The following TRPM2 variants were observed in gnomAD, a reference collection of about 807,000 sequenced individuals.
The protein encoded by TRPM2 is transient receptor potential cation channel subfamily M member 2.
TRPM2 carries 161 observed loss-of-function variants against 174.0 expected under a neutral mutation model. The observed-to-expected ratio is 0.93, with a 90% CI of 0.81 to 1.05. The LOEUF (loss-of-function observed/expected upper bound fraction) is 1.05. TRPM2 is among the 50% of genes least tolerant of loss of function. TRPM2 has a pLI of 0.00. For synonymous variants in TRPM2, 954 were observed against 861.3 expected, an observed-to-expected ratio of 1.11 and a Z score of -1.88; for missense variants, 2,057 against 2,038.0, an observed-to-expected ratio of 1.01 and a Z score of -0.18.
At chr21:44,378,039 C>T (rs950293907) in intron 7 of TRPM2, among the ~76,000 whole-genome samples, 3 of 152,176 alleles carry the variant, frequency 2.0e-5, no homozygotes, top group African/African-American at 7.2e-5. Context: ...GGTGGGGCCC[C>T]AGGGCCTGGA....
chr21:44,399,543 T>C lies in TRPM2; in HGVS notation c.2208+102T>C. The C allele has an allele frequency of 6.9e-7, 1 of 1,447,066 alleles. No individual in the cohort carries two copies. Among genetic ancestry groups the C allele is most frequent in the Non-Finnish European group, 9.2e-7 (1 of 1,091,598 alleles). The allele number at this position is 1,447,066 out of a possible 1,614,324, so 89.6% of individuals were successfully genotyped here. A position where few individuals can be genotyped will look rare whatever the true frequency, so the allele number is the denominator to read the frequency against. ...GTTGGCACGCACACTCACACAGGCTTCAGGGCCCTCAGCAGCTCGGGGACA... is the reference window on the plus strand; with the variant it reads ...GTTGGCACGCACACTCACACAGGCTCCAGGGCCCTCAGCAGCTCGGGGACA... On this transcript the variant is annotated intron_variant, in intron 14 of 31. Transcript: ENST00000397928. This position sits in a 1 kb window ranked among gnomAD's most constrained non-coding sequence, Gnocchi z 4.6.
chr21:44,440,353 C>G (rs2051454475), intron 30 of TRPM2, among the ~76,000 whole-genome samples: 1 of 91,608 alleles, frequency 1.1e-5, no homozygotes, highest in Non-Finnish European at 2.3e-5. Context: ...TGGTGTGGAG[C>G]ACTTCACAAC....
In TRPM2 at chr21:44,367,656, G is replaced by A. The variant is rs1256361874; in HGVS notation, c.604+722G>A. 1.3e-5 allele frequency among the ~76,000 whole-genome samples: 2 copies of A among 152,204 alleles called. No individual in the cohort carries two copies. The highest frequency in any genetic ancestry group is 1.3e-4 in the Admixed American group (2 of 15,282). ...TGTGGATGAATAGTGAGGCCCTGAG[G>A]TGACTACTTGGCAATGTTGCGTCCG... On this transcript the variant is annotated intron_variant, in intron 4 of 31. Transcript: ENST00000397928. This position sits in a 1 kb window ranked among gnomAD's most constrained non-coding sequence, Gnocchi z 4.6.
intron 17 of TRPM2, 149 bp from the exon 18 acceptor site, chr21:44,405,756 G>C (rs1433360790): frequency 2.0e-6 from 2 of 982,006 alleles, no homozygotes; most frequent in African/African-American, 3.3e-5. Context: ...TCTCATGCCA[G>C]CTTTGAACAC....
At chr21:44,414,104 G>T in intron 20 of TRPM2, 30 bp downstream of exon 20, 1 of 1,592,598 alleles carries the variant, frequency 6.3e-7, no homozygotes. Flanking sequence ...TGGCGTGCAG[G>T]TGGGTGGGTG....
intron 17 of TRPM2, 93 bp from the exon 18 acceptor site, chr21:44,405,812 T>C (rs562351575): frequency 1.3e-6 from 2 of 1,492,676 alleles, no homozygotes; most frequent in South Asian, 2.6e-5. Flanking sequence ...AGGGCCCACC[T>C]GGGCTAGGAC....
intron 19 of TRPM2, among the ~76,000 whole-genome samples, chr21:44,412,470 T>G (rs1397367295): frequency 6.6e-6 from 1 of 152,206 alleles, no homozygotes; most frequent in Non-Finnish European, 1.5e-5. Flanking sequence ...TTTAGCAATT[T>G]GAGCCTTCTC....
chr21:44,408,658 T>TA (rs2049988070), intron 19 of TRPM2, among the ~76,000 whole-genome samples: 1 of 143,024 alleles, frequency 7.0e-6, no homozygotes, highest in African/African-American at 2.8e-5. Context: ...TTTGCCCTTT[T>TA]TTTTTTTTTT....
At chr21:44,418,142 TG>T in intron 21 of TRPM2, 34 bp downstream of exon 21, 1 of 1,589,694 alleles carries the variant, frequency 6.3e-7, no homozygotes, top group Non-Finnish European at 8.6e-7. Context: ...CTGAATGTCC[TG>T]GCCACCCGGG....
At chr21:44,405,370 G>A in intron 17 of TRPM2, 110 bp downstream of exon 17, 1 of 1,497,920 alleles carries the variant, frequency 6.7e-7, no homozygotes, top group Middle Eastern at 2.3e-4. Context: ...CAGCTCGTCT[G>A]TGAACCCTGG....
intron 20 of TRPM2, chr21:44,415,683 G>T (rs890694920): frequency 6.6e-6 from 1 of 152,100 alleles, no homozygotes; most frequent in Non-Finnish European, 1.5e-5. Context: ...AAAATGTCTA[G>T]GATTTTCTTT....
chr21:44,391,295 G>GACAGCTGCACTCATCTCCA lies in TRPM2; in HGVS notation c.1468_1486dup (p.Lys496SerfsTer9), dbSNP rs1419317684. 2.5e-6 allele frequency: 4 copies of GACAGCTGCACTCATCTCCA among 1,613,814 alleles called. No individual in the cohort carries two copies. In the African/African-American group the frequency reaches 5.3e-5, roughly 22 times the overall value. ...AGCCTTCAGATCTGCACCCCACGAT[G>GACAGCTGCACTCATCTCCA]ACAGCTGCACTCATCTCCAACAAGC... On this transcript the variant is annotated frameshift_variant, in exon 11 of 32. Transcript: ENST00000397928. LOFTEE classifies it high-confidence loss of function. The surrounding 1 kb of genome is among the most constrained non-coding windows in gnomAD (Gnocchi z 5.0).
chr21:44,399,451 C>T lies in TRPM2; in HGVS notation c.2208+10C>T. ...TCACGGGGGCATCCAGGTGACCTCC[C>T]AAGAGCCCCTTCCAGAAACAGACGC... On this transcript the variant is annotated intron_variant, in intron 14 of 31. Coordinates refer to ENST00000397928, the MANE Select transcript of TRPM2 (RefSeq NM_003307.4). This position sits in a 1 kb window ranked among gnomAD's most constrained non-coding sequence, Gnocchi z 4.6. 6.2e-7 allele frequency: 1 copy of T among 1,607,024 alleles called. No individual in the cohort carries two copies. The highest frequency in any genetic ancestry group is 8.5e-7 in the Non-Finnish European group (1 of 1,176,650).
At chr21:44,416,924 G>A (rs375646716) in intron 20 of TRPM2, among the ~76,000 whole-genome samples, 22 of 140,806 alleles carry the variant, frequency 1.6e-4, no homozygotes, top group African/African-American at 1.6e-4. Context: ...GCACGTGGGC[G>A]TGGCTCTGCT....
At chr21:44,379,912 C>A (rs2048829800) in intron 8 of TRPM2, among the ~76,000 whole-genome samples, 1 of 152,198 alleles carries the variant, frequency 6.6e-6, no homozygotes, top group African/African-American at 2.4e-5. Context: ...CCGGCAGAGC[C>A]CTCTGTCTGT....
intron 31 of TRPM2, 134 bp downstream of exon 31, chr21:44,441,039 G>A: frequency 1.3e-6 from 1 of 754,062 alleles, no homozygotes. Flanking sequence ...GTGGCCTCCG[G>A]GGAGAGGGAA....
intron 20 of TRPM2, chr21:44,415,701 A>G (rs1022565198): frequency 6.6e-5 from 10 of 152,160 alleles, no homozygotes; most frequent in African/African-American, 1.2e-4. Context: ...TTTAAATCCT[A>G]GTGTCTTGAA....
intron 22 of TRPM2, chr21:44,423,375 C>T (rs948971146): frequency 1.3e-5 from 6 of 465,856 alleles, no homozygotes; most frequent in African/African-American, 7.9e-5. Flanking sequence ...AGTTCACTCA[C>T]CTCCCCCTCT....
In TRPM2 at chr21:44,441,833, G is replaced by A; in HGVS notation, c.*16G>A. ...TCACTACTGACTGTGCCCTCAGGCT[G>A]GGCGGCTCCAGTCCATAGACGTTCC... On this transcript the variant is annotated 3_prime_UTR_variant, in exon 32 of 32. Coordinates refer to ENST00000397928, the MANE Select transcript of TRPM2 (RefSeq NM_003307.4). 1 of 1,593,144 alleles carries A rather than the reference G, an allele frequency of 6.3e-7. No individual in the cohort carries two copies. The highest frequency in any genetic ancestry group is 1.1e-5 in the South Asian group (1 of 87,010).
Sources: gnomAD v4.1 joint callset for allele counts (sites outside exome capture counted in the v4.1 genomes callset) on GRCh38, gnomAD v4.1.1 for gene constraint, Gnocchi (gnomAD v3.1) non-coding constraint, MANE v1.5 for transcripts, NCBI Gene and HGNC (gene_info 2026-07-23, HGNC 2026-07-21) for gene names.